Variants in PFKFB3 observed in about 807,000 individuals in gnomAD.
PFKFB3 encodes 6-phosphofructo-2-kinase/fructose-2,6-biphosphatase 3, also known as 6-phosphofructo-2-kinase/fructose-2,6-bisphosphatase 3.
PFKFB3 carries 33 observed loss-of-function variants against 68.0 expected under a neutral mutation model. That is an observed-to-expected ratio of 0.49 (90% CI 0.37 to 0.65). The LOEUF (loss-of-function observed/expected upper bound fraction) is 0.65, where lower values mean the gene tolerates loss of function less well. Among genes scored for constraint, PFKFB3 ranks in the 30% least tolerant of loss-of-function variants. The probability of loss-of-function intolerance (pLI) is 0.00; values close to 1 mark genes in which losing one functional copy is unlikely to be tolerated. For synonymous variants in PFKFB3, 315 were observed against 288.2 expected (o/e 1.09, Z -0.94); for missense variants, 586 against 712.2 (o/e 0.82, Z 2.02).
intron 1 of PFKFB3, among the ~76,000 whole-genome samples, chr10:6,173,540 C>T (rs890708487): frequency 6.6e-6 from 1 of 151,914 alleles, no homozygotes; most frequent in African/African-American, 2.4e-5. Context: ...TATATGCTCA[C>T]GTGAAAAGGT....
intron 1 of PFKFB3, among the ~76,000 whole-genome samples, chr10:6,156,951 G>A (rs1237834352): frequency 6.6e-6 from 1 of 151,282 alleles, no homozygotes; most frequent in Non-Finnish European, 1.5e-5. Context: ...AATTAGCTGG[G>A]CGTGGTGGCA....
chr10:6,227,572 C>G (rs1270332294), intron 14 of PFKFB3, among the ~76,000 whole-genome samples: 1 of 152,232 alleles, frequency 6.6e-6, no homozygotes, highest in Non-Finnish European at 1.5e-5. Flanking sequence ...GAAGTCAGAT[C>G]AGATGAGGGG....
chr10:6,189,471 G>A (rs1021479212), intron 1 of PFKFB3, among the ~76,000 whole-genome samples: 2 of 151,020 alleles, frequency 1.3e-5, no homozygotes, highest in Non-Finnish European at 2.9e-5. Context: ...GAGTAGTAGT[G>A]ATGTGCCTGT....
intron 6 of PFKFB3, among the ~76,000 whole-genome samples, chr10:6,218,439 T>C (rs1588506623): frequency 7.0e-6 from 1 of 142,134 alleles, no homozygotes; most frequent in Middle Eastern, 3.6e-3. Flanking sequence ...TTTATTTATT[T>C]ATTTATTGAA....
downstream of PFKFB3, among the ~76,000 whole-genome samples, chr10:6,256,183 C>T (rs193191106): frequency 6.6e-6 from 1 of 152,346 alleles, no homozygotes; most frequent in Admixed American, 6.5e-5. Flanking sequence ...CTTCTGTTCT[C>T]AGCATCCAGA....
chr10:6,247,873 A>G (rs1001309698), intron 14 of PFKFB3, among the ~76,000 whole-genome samples: 5 of 152,322 alleles, frequency 3.3e-5, no homozygotes, highest in Non-Finnish European at 7.4e-5. Context: ...AATCTTCCCC[A>G]CCACTTTATG....
the PFKFB3 span, among the ~76,000 whole-genome samples, chr10:6,325,424 G>T: frequency 0.016 from 2,461 of 152,252 alleles, 66 homozygotes; most frequent in African/African-American, 0.056. Context: ...CCTTGTGTGT[G>T]TATACACACA....
At chr10:6,179,398 G>C (rs887430251) in intron 1 of PFKFB3, among the ~76,000 whole-genome samples, 1 of 152,230 alleles carries the variant, frequency 6.6e-6, no homozygotes, top group African/African-American at 2.4e-5. Context: ...ATTTTCTCTC[G>C]AAGTTTTGTG....
intron 1 of PFKFB3, among the ~76,000 whole-genome samples, chr10:6,162,953 C>G (rs904984844): frequency 2.0e-5 from 3 of 152,166 alleles, no homozygotes; most frequent in Non-Finnish European, 2.9e-5. Context: ...ATGGATGGAG[C>G]TGGGAAACAT....
At chr10:6,216,241 G>T (rs1371957610) in intron 4 of PFKFB3, 50 bp downstream of exon 4, 2 of 1,537,218 alleles carry the variant, frequency 1.3e-6, no homozygotes, top group Admixed American at 1.7e-5. Flanking sequence ...ACCCATGAGG[G>T]TGTCCTCACC....
the PFKFB3 span, among the ~76,000 whole-genome samples, chr10:6,261,845 ATTAGCCAGGCATCATGGCACACATCG>A: frequency 6.6e-6 from 1 of 152,090 alleles, no homozygotes; most frequent in African/African-American, 2.4e-5. Context: ...AAATACAAAA[ATTAGCCAGGCATCATGGCACACATCG>A]GTAGTCCCAG....
At chr10:6,312,293 T>C in the PFKFB3 span, among the ~76,000 whole-genome samples, 2 of 143,536 alleles carry the variant, frequency 1.4e-5, no homozygotes, top group Non-Finnish European at 3.0e-5. Context: ...ATAATTTGTA[T>C]CTTGGAAGAA....
chr10:6,202,243 CA>C, upstream of PFKFB3, among the ~76,000 whole-genome samples: 1 of 152,318 alleles, frequency 6.6e-6, no homozygotes, highest in Middle Eastern at 3.4e-3. Context: ...GCGGGCCTCT[CA>C]AGGTTCCCAG....
chr10:6,214,833 C>T (rs1181538874), intron 2 of PFKFB3, among the ~76,000 whole-genome samples: 2 of 152,212 alleles, frequency 1.3e-5, no homozygotes, highest in Non-Finnish European at 2.9e-5. Context: ...GGCATGAGGC[C>T]CCACTCGCTT....
chr10:6,299,865 G>C, the PFKFB3 span, among the ~76,000 whole-genome samples: 1 of 151,914 alleles, frequency 6.6e-6, no homozygotes, highest in Non-Finnish European at 1.5e-5. Flanking sequence ...CCCTGGTTTG[G>C]AGCTCCATGT....
chr10:6,267,280 G>A, the PFKFB3 span, among the ~76,000 whole-genome samples: 1 of 152,226 alleles, frequency 6.6e-6, no homozygotes, highest in East Asian at 1.9e-4. Flanking sequence ...TTTATTCACC[G>A]CTTGATAACG....
intron 14 of PFKFB3, among the ~76,000 whole-genome samples, chr10:6,246,890 G>C (rs1846274528): frequency 6.6e-6 from 1 of 152,170 alleles, no homozygotes; most frequent in Non-Finnish European, 1.5e-5. Flanking sequence ...GGAGAAAAAT[G>C]TCCATTTTAC....
Position 6,216,784 on chromosome 10 carries a change from A to G in PFKFB3, c.441+4A>G. On this transcript the variant is annotated splice_donor_region_variant and intron_variant, in intron 5 of 14. Coordinates refer to ENST00000379775, the MANE Select transcript of PFKFB3 (RefSeq NM_004566.4). ...TGCCAAAGAAAATGACTTTAAGGTG[A>G]GCTGAGCGTCTTGTGTTGTGCTAGA... The G allele has an allele frequency of 6.2e-7, 1 of 1,608,162 alleles. No individual in the cohort carries two copies. Among genetic ancestry groups the G allele is most frequent in the South Asian group, 1.1e-5 (1 of 90,984 alleles).
the PFKFB3 span, chr10:6,277,834 G>A: frequency 3.2e-6 from 1 of 317,404 alleles, no homozygotes; most frequent in Non-Finnish European, 6.5e-6. Context: ...GTGTGAGAAT[G>A]GACTAATACA....
Sources: gnomAD v4.1 joint callset for allele counts (sites outside exome capture counted in the v4.1 genomes callset) on GRCh38, gnomAD v4.1.1 for gene constraint, MANE v1.5 for transcripts, NCBI Gene and HGNC (gene_info 2026-07-23, HGNC 2026-07-21) for gene names.